CDK14: variants seen among roughly 807,000 people sequenced by gnomAD.
CDK14 encodes cyclin-dependent kinase 14.
Under a neutral mutation model 60.7 loss-of-function variants are expected in CDK14, and 34 were observed. The observed-to-expected ratio is 0.56, with a 90% CI of 0.43 to 0.75. CDK14 has a LOEUF of 0.75. CDK14 is among the 30% of genes least tolerant of loss of function. The pLI is 0.00. For synonymous variants in CDK14, 197 were observed against 203.7 expected, an observed-to-expected ratio of 0.97 and a Z score of 0.28; for missense variants, 482 against 564.1, an observed-to-expected ratio of 0.85 and a Z score of 1.47.
At chr7:90,881,906 C>T (rs1791767602) in intron 6 of CDK14, among the ~76,000 whole-genome samples, 1 of 152,104 alleles carries the variant, frequency 6.6e-6, no homozygotes, top group Non-Finnish European at 1.5e-5. Flanking sequence ...CTGTTACCAC[C>T]ACGCGTGCCC....
chr7:90,988,235 C>A (rs1185763072), intron 10 of CDK14, among the ~76,000 whole-genome samples: 1 of 152,020 alleles, frequency 6.6e-6, no homozygotes, highest in African/African-American at 2.4e-5. Flanking sequence ...AACATAATAA[C>A]CATGTTCATA....
intron 2 of CDK14, chr7:90,710,540 A>C: frequency 1.0e-6 from 1 of 985,238 alleles, no homozygotes; most frequent in Non-Finnish European, 1.2e-6. Flanking sequence ...CACCTGCTTT[A>C]AGTGTGTACT....
intron 14 of CDK14, among the ~76,000 whole-genome samples, chr7:91,174,440 G>T (rs1340327999): frequency 6.6e-6 from 1 of 151,562 alleles, no homozygotes; most frequent in Non-Finnish European, 1.5e-5. Flanking sequence ...ACCAGCAACG[G>T]AACAAAGCTG....
intron 12 of CDK14, among the ~76,000 whole-genome samples, chr7:91,100,405 T>C (rs1293657212): frequency 2.6e-5 from 4 of 152,224 alleles, no homozygotes; most frequent in Admixed American, 1.3e-4. Flanking sequence ...TACCTTATTC[T>C]GTCCTGTAGA....
intron 14 of CDK14, among the ~76,000 whole-genome samples, chr7:91,187,932 C>T (rs985612518): frequency 2.7e-4 from 41 of 152,294 alleles, no homozygotes; most frequent in African/African-American, 9.4e-4. Context: ...GAAGGGAAGA[C>T]GGAGCTGCCA....
At chr7:90,685,656 T>A (rs1194446414) in intron 2 of CDK14, among the ~76,000 whole-genome samples, 1 of 25,846 alleles carries the variant, frequency 3.9e-5, no homozygotes, top group East Asian at 9.3e-3. Context: ...TTAATTTTTT[T>A]TTTTTTTTTT....
intron 5 of CDK14, among the ~76,000 whole-genome samples, chr7:90,827,996 A>G (rs1562789053): frequency 6.6e-6 from 1 of 152,356 alleles, no homozygotes; most frequent in African/African-American, 2.4e-5. Context: ...AAAGAAATTG[A>G]TATTACATGC....
At chr7:90,740,353 C>T (rs1483589966) in intron 3 of CDK14, among the ~76,000 whole-genome samples, 1 of 150,444 alleles carries the variant, frequency 6.6e-6, no homozygotes, top group African/African-American at 2.4e-5. Flanking sequence ...CCTTAAAATT[C>T]ATATGTTGAA....
intron 4 of CDK14, among the ~76,000 whole-genome samples, chr7:90,754,790 A>G (rs1335077117): frequency 6.6e-6 from 1 of 152,144 alleles, no homozygotes; most frequent in African/African-American, 2.4e-5. Flanking sequence ...TAACTCCATA[A>G]AAAGTGAGCA....
chr7:91,146,928 T>G (rs1800655125), intron 14 of CDK14, among the ~76,000 whole-genome samples: 1 of 152,186 alleles, frequency 6.6e-6, no homozygotes, highest in South Asian at 2.1e-4. Context: ...ACACAATATT[T>G]AGAATATTCT....
chr7:91,046,150 A>G (rs1054469827), intron 11 of CDK14, among the ~76,000 whole-genome samples, 190 bp downstream of exon 11: 1 of 152,192 alleles, frequency 6.6e-6, no homozygotes, highest in Non-Finnish European at 1.5e-5. Context: ...AGTTAAAGAC[A>G]TCCCTGATGA....
chr7:91,013,663 T>G (rs940143002), intron 10 of CDK14, among the ~76,000 whole-genome samples: 7 of 151,024 alleles, frequency 4.6e-5, no homozygotes, highest in African/African-American at 7.3e-5. Context: ...TCTGTTTTTT[T>G]TTTTTTTTTT....
At chr7:90,897,429 T>C (rs1792372298) in intron 6 of CDK14, among the ~76,000 whole-genome samples, 2 of 152,096 alleles carry the variant, frequency 1.3e-5, no homozygotes, top group African/African-American at 4.8e-5. Context: ...TCTTTTACCA[T>C]TTTGTTTCTT....
At chr7:91,006,464 C>T (rs1004296577) in intron 10 of CDK14, among the ~76,000 whole-genome samples, 4 of 152,174 alleles carry the variant, frequency 2.6e-5, no homozygotes, top group Non-Finnish European at 2.9e-5. Flanking sequence ...TACCAACACA[C>T]GTGCTACTAA....
At chr7:91,050,844 G>C (rs1433626488) in intron 11 of CDK14, among the ~76,000 whole-genome samples, 1 of 152,182 alleles carries the variant, frequency 6.6e-6, no homozygotes, top group Non-Finnish European at 1.5e-5. Flanking sequence ...GTAAAAGAGG[G>C]AGCGAAAGAG....
chr7:91,156,098 T>C (rs951309856), intron 14 of CDK14, among the ~76,000 whole-genome samples: 7 of 152,206 alleles, frequency 4.6e-5, no homozygotes, highest in African/African-American at 1.4e-4. Flanking sequence ...TTTATCACCT[T>C]CTAACTTTCT....
chr7:90,872,548 C>A (rs1339661306), intron 6 of CDK14, among the ~76,000 whole-genome samples: 1 of 152,130 alleles, frequency 6.6e-6, no homozygotes, highest in African/African-American at 2.4e-5. Context: ...AAATTAACTT[C>A]TTTTCTATCC....
intron 6 of CDK14, among the ~76,000 whole-genome samples, chr7:90,869,041 A>C (rs1227435872): frequency 1.3e-5 from 2 of 152,178 alleles, no homozygotes; most frequent in African/African-American, 4.8e-5. Context: ...GAATTTACTT[A>C]ATTATTTGGT....
intron 14 of CDK14, among the ~76,000 whole-genome samples, chr7:91,137,092 G>C (rs1307527362): frequency 1.3e-5 from 2 of 152,194 alleles, no homozygotes; most frequent in Non-Finnish European, 2.9e-5. Flanking sequence ...GCCCAAATTA[G>C]AGCTTTCTAA....
Sources: gnomAD v4.1 joint callset for allele counts (sites outside exome capture counted in the v4.1 genomes callset) on GRCh38, gnomAD v4.1.1 for gene constraint, MANE v1.5 for transcripts, NCBI Gene and HGNC (gene_info 2026-07-23, HGNC 2026-07-21) for gene names.